The following KANK1 variants were observed in gnomAD, a reference collection of about 807,000 sequenced individuals.
KANK1 encodes KN motif and ankyrin repeat domain-containing protein 1.
A neutral mutation model predicts 106.2 loss-of-function variants in KANK1; 109 were observed. The ratio of observed to expected loss-of-function variants is 1.03; its 90% confidence interval spans 0.88 to 1.20. The LOEUF is 1.20. Among genes scored for constraint, KANK1 ranks in the 50% most tolerant of loss-of-function variants. The pLI, the probability that KANK1 is intolerant of heterozygous loss-of-function variation, is 0.00. For missense variants in KANK1, 2,399 were observed against 1,710.7 expected (o/e 1.40, Z -7.10); for synonymous variants, 873 against 652.2 (o/e 1.34, Z -5.16).
intron 9 of KANK1, among the ~76,000 whole-genome samples, chr9:741,791 C>A (rs1039479225): frequency 1.3e-5 from 2 of 151,594 alleles, no homozygotes; most frequent in African/African-American, 4.8e-5. Flanking sequence ...CAGCCCCTGG[C>A]TTTTTTTTAA....
chr9:489,441 G>A lies in KANK1; in HGVS notation c.-362+16168G>A, dbSNP rs113776364. Among the ~76,000 whole-genome samples, 1,131 of 152,300 alleles carry A rather than the reference G, an allele frequency of 7.4e-3. 21 individuals carry two copies. Among genetic ancestry groups the A allele is most frequent in the African/African-American group, 0.025 (1,020 of 41,552 alleles). On this transcript the variant is annotated intron_variant, in intron 3 of 15. Transcript: ENST00000382303. ...GATAAACAATGAATACTTTTTTAGT[G>A]TAAGTATAGGTCATGCAGTATTTGG...
chr9:650,640 C>T (rs190966922), intron 1 of KANK1, among the ~76,000 whole-genome samples: 3 of 152,218 alleles, frequency 2.0e-5, no homozygotes, highest in Non-Finnish European at 1.5e-5. Context: ...TGGCACACAC[C>T]AGACCCTCAA....
chr9:703,831 C>G (rs1823318316), intron 2 of KANK1, among the ~76,000 whole-genome samples: 1 of 152,032 alleles, frequency 6.6e-6, no homozygotes, highest in Non-Finnish European at 1.5e-5. Flanking sequence ...CCTGCCTCAG[C>G]CTCCTGAATA....
intron 3 of KANK1, among the ~76,000 whole-genome samples, chr9:720,349 C>T (rs559028003): frequency 5.3e-5 from 8 of 152,246 alleles, no homozygotes; most frequent in Non-Finnish European, 7.4e-5. Flanking sequence ...ATGTTGCTGT[C>T]GTTTTGTTTT....
At chr9:510,338 A>C (rs1013133429) in intron 1 of KANK1, among the ~76,000 whole-genome samples, 3 of 152,222 alleles carry the variant, frequency 2.0e-5, no homozygotes, top group Non-Finnish European at 4.4e-5. Context: ...AAGAAGGATC[A>C]TACCATTAAG....
intron 3 of KANK1, among the ~76,000 whole-genome samples, chr9:718,249 G>A (rs972534377): frequency 7.8e-5 from 11 of 141,844 alleles, no homozygotes; most frequent in African/African-American, 2.5e-4. Flanking sequence ...AGGCCTAGAA[G>A]TCAGAAGAGC....
chr9:650,110 T>C (rs1840557427), intron 1 of KANK1, among the ~76,000 whole-genome samples: 1 of 152,200 alleles, frequency 6.6e-6, no homozygotes, highest in Non-Finnish European at 1.5e-5. Flanking sequence ...GTGGAGGGAT[T>C]ACTTTACTGT....
intron 1 of KANK1, among the ~76,000 whole-genome samples, chr9:506,982 T>TA (rs1254259437): frequency 6.6e-6 from 1 of 152,206 alleles, no homozygotes; most frequent in Admixed American, 6.5e-5. Flanking sequence ...GTGCATGTTT[T>TA]AAAAATCATT....
At chr9:730,291 G>C in intron 4 of KANK1, 43 bp downstream of exon 4, 1 of 1,519,246 alleles carries the variant, frequency 6.6e-7, no homozygotes, top group Non-Finnish European at 9.1e-7. Flanking sequence ...GGATTCTAGG[G>C]CCAGCATTGC....
rs576919993 is a variant in KANK1 at position 713,348 on chromosome 9, C to T, written c.2582C>T (p.Ser861Phe). Residue 861 changes from serine (S) to phenylalanine (F), a missense_variant, in exon 3 of 12, where the codon TCC becomes TTC. Physicochemically the swap from Ser to Phe is radical, Grantham distance 155 (BLOSUM62 -2). Coordinates refer to ENST00000382297, the MANE Select transcript of KANK1 (RefSeq NM_015158.5). ...GGGGAACCTCACTCACAGATGGGCT[C>T]CCTCAACTCTCAGCTCATCAGCACC... is the stretch of plus-strand genomic sequence containing the variant. ...AFGEPHSQMG[S>F]LNSQLISTLS... 4.9e-5 allele frequency: 79 copies of T among 1,614,178 alleles called. No homozygotes were observed. The South Asian group carries it at 8.1e-4, about 17-fold the overall frequency.
intron 7 of KANK1, among the ~76,000 whole-genome samples, chr9:737,861 ATAT>A (rs1303626478): frequency 1.3e-5 from 2 of 152,250 alleles, no homozygotes; most frequent in African/African-American, 4.8e-5. Flanking sequence ...TGATTACATC[ATAT>A]TAATAGCTTA....
intron 1 of KANK1, among the ~76,000 whole-genome samples, chr9:536,941 G>A (rs575106166): frequency 7.9e-5 from 12 of 152,248 alleles, no homozygotes; most frequent in Non-Finnish European, 1.3e-4. Context: ...GTTCCACCTG[G>A]CTGGCAGCAC....
intron 11 of KANK1, chr9:744,808 A>T (rs1001075605): frequency 6.9e-7 from 1 of 1,442,146 alleles, no homozygotes; most frequent in African/African-American, 1.4e-5. Flanking sequence ...CTTGCAAGAC[A>T]TATGCTCACA....
chr9:690,148 A>C (rs1354565290), intron 2 of KANK1, among the ~76,000 whole-genome samples: 2 of 149,156 alleles, frequency 1.3e-5, no homozygotes, highest in Non-Finnish European at 3.0e-5. Context: ...AAAAAAAAAA[A>C]AAAAAAAACT....
chr9:538,495 T>G (rs1251123449), intron 1 of KANK1, among the ~76,000 whole-genome samples: 1 of 152,242 alleles, frequency 6.6e-6, no homozygotes, highest in Non-Finnish European at 1.5e-5. Flanking sequence ...AAGAGGCACA[T>G]TCTGCCTCAG....
At chr9:680,358 A>T (rs913254136) in intron 2 of KANK1, among the ~76,000 whole-genome samples, 2 of 150,902 alleles carry the variant, frequency 1.3e-5, no homozygotes, top group African/African-American at 4.8e-5. Flanking sequence ...GGTGATTCAC[A>T]ACCTTTTATA....
intron 1 of KANK1, among the ~76,000 whole-genome samples, chr9:617,269 G>A (rs1832074432): frequency 6.6e-6 from 1 of 152,096 alleles, no homozygotes; most frequent in Non-Finnish European, 1.5e-5. Context: ...AACTTCACTC[G>A]TTGCCTTCCT....
intron 1 of KANK1, among the ~76,000 whole-genome samples, chr9:620,762 A>G (rs898527564): frequency 2.6e-5 from 4 of 152,212 alleles, no homozygotes; most frequent in Non-Finnish European, 1.5e-5. Flanking sequence ...TTAAAAACCA[A>G]TTTTTAAAAA....
intron 1 of KANK1, among the ~76,000 whole-genome samples, chr9:652,828 G>T (rs1310697328): frequency 6.6e-6 from 1 of 152,128 alleles, no homozygotes; most frequent in Non-Finnish European, 1.5e-5. Flanking sequence ...TTTCTTTATT[G>T]TTGAATATTT....
Sources: allele counts gnomAD v4.1 joint callset (sites outside exome capture counted in the v4.1 genomes callset), GRCh38; gene constraint gnomAD v4.1.1; transcripts MANE v1.5; gene names NCBI Gene and HGNC (gene_info 2026-07-23, HGNC 2026-07-21).